EIF2B3: variants seen among roughly 807,000 people sequenced by gnomAD.
EIF2B3 encodes the protein eukaryotic translation initiation factor 2B subunit gamma, also known as translation initiation factor eIF2B subunit gamma.
EIF2B3 carries 20 observed loss-of-function variants against 54.1 expected under a neutral mutation model. That is an observed-to-expected ratio of 0.37 (90% confidence interval 0.26 to 0.54). EIF2B3 has a LOEUF of 0.54. EIF2B3 is among the 20% of genes least tolerant of loss of function. The pLI is 0.86. For missense variants in EIF2B3, 448 were observed against 547.8 expected (o/e 0.82, Z 1.82); for synonymous variants, 153 against 188.1 (o/e 0.81, Z 1.52).
chr1:44,926,409 T>G (rs1275531381), intron 5 of EIF2B3, among the ~76,000 whole-genome samples: 1 of 152,090 alleles, frequency 6.6e-6, no homozygotes, highest in Non-Finnish European at 1.5e-5. Context: ...GCTTTACTCT[T>G]TTGCAGGATT....
chr1:44,909,333 T>A (rs1278589573), intron 5 of EIF2B3, among the ~76,000 whole-genome samples: 1 of 151,132 alleles, frequency 6.6e-6, no homozygotes, highest in East Asian at 1.9e-4. Context: ...TTTTTTTTTT[T>A]AAAGACATAA....
chr1:44,931,844 T>C (rs754435430), intron 4 of EIF2B3, among the ~76,000 whole-genome samples: 2 of 152,350 alleles, frequency 1.3e-5, no homozygotes, highest in East Asian at 1.9e-4. Flanking sequence ...ACGCTGGGCA[T>C]GGTGGCTCAC....
At chr1:44,868,110 T>C (rs1277074964) in intron 10 of EIF2B3, among the ~76,000 whole-genome samples, 4 of 151,960 alleles carry the variant, frequency 2.6e-5, no homozygotes, top group Admixed American at 6.6e-5. Context: ...TAGAAAGCTG[T>C]AGTGTTGGCC....
At chr1:44,945,798 A>T (rs1454347997) in intron 3 of EIF2B3, among the ~76,000 whole-genome samples, 1 of 152,214 alleles carries the variant, frequency 6.6e-6, no homozygotes, top group Non-Finnish European at 1.5e-5. Flanking sequence ...CATCAGAATG[A>T]AAATGACAAT....
intron 11 of EIF2B3, among the ~76,000 whole-genome samples, chr1:44,854,741 C>A (rs961500383): frequency 6.6e-6 from 1 of 151,798 alleles, no homozygotes; most frequent in Admixed American, 6.6e-5. Context: ...GCATGCACTA[C>A]CACGCCCGGC....
At chr1:44,902,915 G>A (rs1569670329) in intron 5 of EIF2B3, among the ~76,000 whole-genome samples, 1 of 148,140 alleles carries the variant, frequency 6.8e-6, no homozygotes, top group East Asian at 2.0e-4. Flanking sequence ...ATTTCGAGTA[G>A]TTCAAGAACC....
intron 5 of EIF2B3, among the ~76,000 whole-genome samples, chr1:44,900,575 C>A (rs78794176): frequency 6.6e-6 from 1 of 151,704 alleles, no homozygotes; most frequent in Non-Finnish European, 1.5e-5. Flanking sequence ...TGGGTTCAAT[C>A]GCACCCAAAT....
chr1:44,889,647 G>T (rs557877635), intron 6 of EIF2B3, among the ~76,000 whole-genome samples: 16 of 151,682 alleles, frequency 1.1e-4, no homozygotes, highest in Middle Eastern at 6.8e-3. Flanking sequence ...GCGATTCTCA[G>T]CCTCCTGAGT....
chr1:44,967,242 T>C (rs1314770006), intron 3 of EIF2B3, among the ~76,000 whole-genome samples: 1 of 143,070 alleles, frequency 7.0e-6, no homozygotes, highest in Non-Finnish European at 1.5e-5. Context: ...AGGTCAAGAG[T>C]TCGAGACCAG....
At chr1:44,956,140 T>A (rs12137819) in intron 3 of EIF2B3, among the ~76,000 whole-genome samples, 16,742 of 152,146 alleles carry the variant, frequency 0.11, 1,200 homozygotes, top group Non-Finnish European at 0.16. Context: ...ATAGGCTAGA[T>A]AAAGAAAATG....
At chr1:44,980,848 A>C (rs1644504225) in intron 2 of EIF2B3, among the ~76,000 whole-genome samples, 173 bp downstream of exon 2, 1 of 151,990 alleles carries the variant, frequency 6.6e-6, no homozygotes, top group Non-Finnish European at 1.5e-5. Context: ...ACTTAGTGCT[A>C]TCCTCTCAAC....
At chr1:44,900,263 G>A (rs879314088) in intron 5 of EIF2B3, among the ~76,000 whole-genome samples, 10 of 151,836 alleles carry the variant, frequency 6.6e-5, no homozygotes, top group Admixed American at 5.9e-4. Flanking sequence ...TCTGGCCAAC[G>A]CAGTGAAACC....
At chr1:44,962,799 T>C (rs79900608) in intron 3 of EIF2B3, among the ~76,000 whole-genome samples, 1 of 152,192 alleles carries the variant, frequency 6.6e-6, no homozygotes, top group Non-Finnish European at 1.5e-5. Flanking sequence ...CCGGCTGTCA[T>C]TCATTCATTC....
Position 44,881,579 on chromosome 1 carries a change from T to C in EIF2B3, c.784+33A>G. The C allele has an allele frequency of 1.9e-6, 3 of 1,612,832 alleles. No homozygotes were observed. Among genetic ancestry groups the C allele is most frequent in the Non-Finnish European group, 2.5e-6 (3 of 1,179,226 alleles). ...CTCTTTCCAAAGGTGCTGCTACCCT[T>C]GCCCCTCTTACTGAACCAACCCAAG... On this transcript the variant is annotated intron_variant, in intron 7 of 11. Coordinates refer to ENST00000360403, the MANE Select transcript of EIF2B3 (RefSeq NM_020365.5). This position sits in a 1 kb window ranked among gnomAD's most constrained non-coding sequence, Gnocchi z 4.0.
intron 5 of EIF2B3, among the ~76,000 whole-genome samples, chr1:44,911,814 G>A (rs1643521933): frequency 6.6e-6 from 1 of 150,658 alleles, no homozygotes. Context: ...CCACTAACTC[G>A]TCATCTAGCA....
At chr1:44,871,377 T>C (rs1404984880) in intron 10 of EIF2B3, among the ~76,000 whole-genome samples, 1 of 152,226 alleles carries the variant, frequency 6.6e-6, no homozygotes, top group Non-Finnish European at 1.5e-5. Flanking sequence ...CTTCCTAATG[T>C]AGCCCAAATA....
chr1:44,913,442 C>T (rs899865237), intron 5 of EIF2B3, among the ~76,000 whole-genome samples: 4 of 151,756 alleles, frequency 2.6e-5, no homozygotes, highest in Admixed American at 6.6e-5. Context: ...AAAAAGAATC[C>T]GAGTGGGGTC....
rs958351144 is a variant in EIF2B3, at chr1:44,965,025, C to CA, written c.294+13289dup. Among the ~76,000 whole-genome samples the CA allele has an allele frequency of 3.9e-5, 6 of 152,288 alleles. No individual in the cohort carries two copies. The East Asian group carries it at 1.2e-3, about 29-fold the overall frequency. On this transcript the variant is annotated intron_variant, in intron 3 of 11. Transcript: ENST00000360403. The stretch of plus-strand genomic sequence containing the variant: ...TCTAATATGGGTCAGGATCCATATC[C>CA]AAGGAGTCAGCCAGCTTTGCTTTAT...
chr1:44,912,690 G>A (rs1450687982), intron 5 of EIF2B3, among the ~76,000 whole-genome samples: 4 of 152,100 alleles, frequency 2.6e-5, no homozygotes, highest in African/African-American at 4.8e-5. Context: ...CCACCTCAGC[G>A]CCTAGGATTA....
Sources: allele counts gnomAD v4.1 joint callset (sites outside exome capture counted in the v4.1 genomes callset), GRCh38; gene constraint gnomAD v4.1.1; non-coding constraint Gnocchi (gnomAD v3.1); transcripts MANE v1.5; gene names NCBI Gene and HGNC (gene_info 2026-07-23, HGNC 2026-07-21).